The following NSUN2 variants were observed in gnomAD, a reference collection of about 807,000 sequenced individuals.
The protein encoded by NSUN2 is NOP2/Sun RNA methyltransferase 2, also known as RNA cytosine C(5)-methyltransferase NSUN2.
A neutral mutation model predicts 92.7 loss-of-function variants in NSUN2; 63 were observed. The observed-to-expected ratio is 0.68, with a 90% CI of 0.56 to 0.84. The LOEUF (loss-of-function observed/expected upper bound fraction) is 0.84, where lower values mean the gene tolerates loss of function less well. Among genes scored for constraint, NSUN2 ranks in the 40% least tolerant of loss-of-function variants. NSUN2 has a pLI of 0.00. For missense variants in NSUN2, 989 were observed against 964.9 expected, an observed-to-expected ratio of 1.02 and a Z score of -0.33; for synonymous variants, 356 against 348.3, an observed-to-expected ratio of 1.02 and a Z score of -0.25.
intron 3 of NSUN2, among the ~76,000 whole-genome samples, chr5:6,630,666 A>G (rs1737843895): frequency 6.6e-6 from 1 of 152,240 alleles, no homozygotes; most frequent in Non-Finnish European, 1.5e-5. Context: ...CAAATAGCCA[A>G]TGAAAGAAAA....
chr5:6,624,348 G>C (rs1560983807), intron 4 of NSUN2, among the ~76,000 whole-genome samples: 1 of 152,070 alleles, frequency 6.6e-6, no homozygotes, highest in Non-Finnish European at 1.5e-5. Context: ...CCATAACCCA[G>C]AGGTTATTGC....
chr5:6,610,431 G>A (rs1230616946), intron 11 of NSUN2, among the ~76,000 whole-genome samples: 1 of 151,248 alleles, frequency 6.6e-6, no homozygotes, highest in African/African-American at 2.4e-5. Flanking sequence ...GCTCATGCCT[G>A]TAATCCCAGC....
chr5:6,602,580 ATGTGT>A, intron 17 of NSUN2, 80 bp from the exon 18 acceptor site: 3 of 1,197,608 alleles, frequency 2.5e-6, no homozygotes, highest in Non-Finnish European at 3.8e-6. Context: ...GCACCTAGTG[ATGTGT>A]TAAGTATTCT....
At chr5:6,616,060 C>T (rs781619655) in intron 9 of NSUN2, among the ~76,000 whole-genome samples, 3 of 152,120 alleles carry the variant, frequency 2.0e-5, no homozygotes, top group African/African-American at 4.8e-5. Flanking sequence ...TACAAAATGA[C>T]GCAGCCACTG....
chr5:6,624,278 T>C (rs577392734), intron 4 of NSUN2, among the ~76,000 whole-genome samples: 1 of 152,316 alleles, frequency 6.6e-6, no homozygotes, highest in East Asian at 1.9e-4. Context: ...GATGGGGACA[T>C]CCCGGCAGAC....
At chr5:6,613,879 C>G (rs553444569) in intron 9 of NSUN2, among the ~76,000 whole-genome samples, 10 of 152,088 alleles carry the variant, frequency 6.6e-5, no homozygotes, top group African/African-American at 2.4e-4. Flanking sequence ...GGAAGACTGC[C>G]TGAAGTCAGG....
At chr5:6,614,830 C>A (rs1009647451) in intron 9 of NSUN2, among the ~76,000 whole-genome samples, 3 of 152,106 alleles carry the variant, frequency 2.0e-5, no homozygotes, top group Non-Finnish European at 4.4e-5. Flanking sequence ...CCGGTGGACT[C>A]AGGCCAGCAA....
At position 6,605,843 on chromosome 5, in the gene NSUN2, C is replaced by T. The variant is rs138102586; in HGVS notation, c.1602-435G>A. Among the ~76,000 whole-genome samples, 493 of 141,230 alleles carry T rather than the reference C, an allele frequency of 3.5e-3. 1 individual carries two copies. Among genetic ancestry groups the T allele is most frequent in the Non-Finnish European group, 5.5e-3 (347 of 63,334 alleles). 92.7% of individuals were successfully genotyped at this position (141,230 alleles called of 152,430 possible). On this transcript the variant is annotated intron_variant, in intron 14 of 18. Transcript: ENST00000264670. ...CTGAGTAGCTGTGATTATAGGTGCA[C>T]GCCACCACACCTAATTTTTTTTTGT...
intron 5 of NSUN2, among the ~76,000 whole-genome samples, chr5:6,622,847 C>CCA (rs1553998811): frequency 7.9e-6 from 1 of 126,926 alleles, no homozygotes; most frequent in Non-Finnish European, 1.6e-5. Context: ...AACTCCATCT[C>CCA]AAAAAAAAAA....
chr5:6,608,077 A>G (rs1322846112), intron 12 of NSUN2, among the ~76,000 whole-genome samples: 1 of 152,276 alleles, frequency 6.6e-6, no homozygotes, highest in Non-Finnish European at 1.5e-5. Flanking sequence ...ATTTCAACAC[A>G]GGCAAGTTCA....
chr5:6,610,923 C>A (rs754567568), intron 11 of NSUN2, 32 bp downstream of exon 11: 9 of 1,612,572 alleles, frequency 5.6e-6, no homozygotes, highest in Admixed American at 1.7e-5. Flanking sequence ...AACCTTCCCC[C>A]CTCCCCACAC....
intron 4 of NSUN2, among the ~76,000 whole-genome samples, chr5:6,624,086 G>A (rs1579376738): frequency 6.6e-6 from 1 of 152,184 alleles, no homozygotes; most frequent in East Asian, 1.9e-4. Flanking sequence ...ACTGTCAAGA[G>A]CCTTAAATAC....
chr5:6,632,986 C>T lies in NSUN2; in HGVS notation c.-7G>A, dbSNP rs1326262531. On this transcript the variant is annotated 5_prime_UTR_variant, in exon 1 of 19. In the 5' UTR this introduces an upstream ATG that the reference lacks. Coordinates refer to ENST00000264670, the MANE Select transcript of NSUN2 (RefSeq NM_017755.6). ...CCCGCGACCGCCGCCCCATAGCCCA[C>T]GCGGCCGCGCACGCAGCACGCAGAA... 6 of 1,452,404 alleles carry T rather than the reference C, an allele frequency of 4.1e-6. No homozygotes were observed. Among genetic ancestry groups the T allele is most frequent in the Non-Finnish European group, 5.4e-6 (6 of 1,113,322 alleles). The allele number at this position is 1,452,404 out of a possible 1,614,324, so 90.0% of individuals were successfully genotyped here.
chr5:6,623,044 GAAAA>G (rs111573762), intron 5 of NSUN2, among the ~76,000 whole-genome samples, 166 bp downstream of exon 5: 1 of 72,958 alleles, frequency 1.4e-5, no homozygotes, highest in African/African-American at 4.6e-5. Flanking sequence ...GGACAAAAAA[GAAAA>G]AAAAAAAAAA....
At chr5:6,610,871 C>A in intron 11 of NSUN2, 84 bp downstream of exon 11, 1 of 1,522,622 alleles carries the variant, frequency 6.6e-7, no homozygotes, top group Non-Finnish European at 8.9e-7. Flanking sequence ...CTGCCTCCAA[C>A]TCACCCCAAC....
rs890676381 is a variant in NSUN2 at position 6,599,257 on chromosome 5, T to C, written c.*669A>G. On this transcript the variant is annotated 3_prime_UTR_variant, in exon 19 of 19. Coordinates refer to ENST00000264670, the MANE Select transcript of NSUN2 (RefSeq NM_017755.6). ...ACATGTATATATTTTATCAATTTTATTGAAATATTCCAAGGATCCCAACCC... is the reference window on the plus strand; with the variant it reads ...ACATGTATATATTTTATCAATTTTACTGAAATATTCCAAGGATCCCAACCC... 3 of 152,652 alleles carry C rather than the reference T, an allele frequency of 2.0e-5. No individual in the cohort carries two copies. The highest frequency in any genetic ancestry group is 4.8e-5 in the African/African-American group (2 of 41,450). 9.5% of individuals were successfully genotyped at this position (152,652 alleles called of 1,614,324 possible). A position where few individuals can be genotyped will look rare whatever the true frequency, so the allele number is the denominator to read the frequency against.
intron 1 of NSUN2, 41 bp from the exon 2 acceptor site, chr5:6,632,797 C>A (rs781518467): frequency 1.2e-5 from 19 of 1,591,814 alleles, no homozygotes; most frequent in South Asian, 2.2e-5. Flanking sequence ...GCCCAAGGAG[C>A]CGCCCCCTCG....
At position 6,604,129 on chromosome 5, in the gene NSUN2, A is replaced by G. The variant is rs1412149455; in HGVS notation, c.1957+9T>C. 6.2e-7 allele frequency: 1 copy of G among 1,610,392 alleles called. No homozygotes were observed. The highest frequency in any genetic ancestry group is 1.3e-5 in the African/African-American group (1 of 74,654). On this transcript the variant is annotated intron_variant, in intron 17 of 18. Transcript: ENST00000264670. ...CAAGTTATGTCTCTATGCATTTCCA[A>G]CTACTCACCCAGGTCCTTTGCTTGA...
chr5:6,599,959 G>A lies in NSUN2; in HGVS notation c.2271C>T (p.Gly757=), dbSNP rs375443052. The A allele has an allele frequency of 1.9e-5, 30 of 1,613,898 alleles. No individual in the cohort carries two copies. In the African/African-American group the frequency reaches 2.8e-4, roughly 15 times the overall value. ...EEANSPDVTA[G]CDPAGVHPPR ...GTGGATGGACCCCCGCCGGGTCACAGCCTGCTGTCACGTCTGGACTGTTGG... is the reference window on the plus strand; with the variant it reads ...GTGGATGGACCCCCGCCGGGTCACAACCTGCTGTCACGTCTGGACTGTTGG... The change falls in exon 19 of 19, where the codon GGC becomes GGT. Residue 757 remains glycine (G), a synonymous_variant. Transcript: ENST00000264670.
Sources: gnomAD v4.1 joint callset for allele counts (sites outside exome capture counted in the v4.1 genomes callset) on GRCh38, gnomAD v4.1.1 for gene constraint, MANE v1.5 for transcripts, NCBI Gene and HGNC (gene_info 2026-07-23, HGNC 2026-07-21) for gene names.